The following PTDSS2 variants were observed in gnomAD, a reference collection of about 807,000 sequenced individuals.
The protein encoded by PTDSS2 is PSS-2.
Under a neutral mutation model 64.7 loss-of-function variants are expected in PTDSS2, and 41 were observed. The observed-to-expected ratio is 0.63, with a 90% CI of 0.49 to 0.82. PTDSS2 has a LOEUF of 0.82. Ranked by LOEUF, PTDSS2 falls within the 40% of genes least tolerant of loss-of-function variation. The pLI is 0.00. For missense variants in PTDSS2, 485 were observed against 650.0 expected (o/e 0.75, Z 2.76); for synonymous variants, 297 against 277.8 (o/e 1.07, Z -0.69).
At chr11:477,071 G>A (rs1445335073) in intron 3 of PTDSS2, among the ~76,000 whole-genome samples, 3 of 152,186 alleles carry the variant, frequency 2.0e-5, no homozygotes, top group Non-Finnish European at 2.9e-5. Context: ...TGTGGGCTCT[G>A]CCCACCTTCA....
At chr11:484,877 C>T (rs1364890275) in intron 4 of PTDSS2, among the ~76,000 whole-genome samples, 1 of 128,848 alleles carries the variant, frequency 7.8e-6, no homozygotes. Context: ...TGTGCGCAGG[C>T]GTCTGTAAAC....
At position 479,273 on chromosome 11, in the gene PTDSS2, C is replaced by A; in HGVS notation, c.435+121C>A. ...GTGATGGGAGGAAGCAGGGCTAGACCCCCACAAAGTAGGCCGAGCTGCGGG... is the reference window on the plus strand; with the variant it reads ...GTGATGGGAGGAAGCAGGGCTAGACACCCACAAAGTAGGCCGAGCTGCGGG... On this transcript the variant is annotated intron_variant, in intron 4 of 11. Coordinates refer to ENST00000308020, the MANE Select transcript of PTDSS2 (RefSeq NM_030783.3). This position sits in a 1 kb window ranked among gnomAD's most constrained non-coding sequence, Gnocchi z 4.2. The A allele has an allele frequency of 2.2e-6, 2 of 893,814 alleles. No homozygotes were observed. Among genetic ancestry groups the A allele is most frequent in the South Asian group, 1.3e-5 (1 of 75,910 alleles). 55.4% of individuals were successfully genotyped at this position (893,814 alleles called of 1,614,324 possible).
rs1190366039 is a variant in PTDSS2, at chr11:462,048, A to G, written c.284+1760A>G. Among the ~76,000 whole-genome samples, 1 of 152,174 alleles carries G rather than the reference A, an allele frequency of 6.6e-6. No homozygotes were observed. The highest frequency in any genetic ancestry group is 6.5e-5 in the Admixed American group (1 of 15,280). On this transcript the variant is annotated intron_variant, in intron 2 of 11. Transcript: ENST00000308020. This position sits in a 1 kb window ranked among gnomAD's most constrained non-coding sequence, Gnocchi z 4.5. Reference sequence around the variant, plus strand: ...GGAAGCAGGACCGGGTCTCACCTCAAGTGTCCCACATGGCAAGAATTGTCA... The same window carrying G: ...GGAAGCAGGACCGGGTCTCACCTCAGGTGTCCCACATGGCAAGAATTGTCA...
rs1848559660 is a variant in PTDSS2, at chr11:489,400, G to A, written c.855G>A (p.Lys285=). ...AGGCTGCCGGCTCTGTGGTTCCCAG[G>A]GGCAAGATGAAGAGGATCGCCTTCC... ...WQGLWNIPTY[K]GKMKRIAFQF... is the part of the protein sequence containing the mutation. The change falls in exon 9 of 12, where the codon AAG becomes AAA. Residue 285 remains lysine, a splice_region_variant and synonymous_variant. Transcript: ENST00000308020. 6.2e-7 allele frequency: 1 copy of A among 1,612,422 alleles called. No individual in the cohort carries two copies. Among genetic ancestry groups the A allele is most frequent in the Admixed American group, 1.7e-5 (1 of 59,982 alleles).
At chr11:452,174 C>T (rs1248171887) in intron 1 of PTDSS2, among the ~76,000 whole-genome samples, 1 of 152,176 alleles carries the variant, frequency 6.6e-6, no homozygotes, top group African/African-American at 2.4e-5. Flanking sequence ...CCTCTGAGGT[C>T]CCGGAGCGAG....
At chr11:473,043 C>G (rs374868224) in intron 2 of PTDSS2, among the ~76,000 whole-genome samples, 28 of 152,346 alleles carry the variant, frequency 1.8e-4, no homozygotes, top group African/African-American at 6.7e-4. Context: ...CAGAGCGGGT[C>G]CACACCTTGG....
chr11:489,773 G>T lies in PTDSS2; in HGVS notation c.1115+40G>T, dbSNP rs372521546. On this transcript the variant is annotated intron_variant, in intron 10 of 11. Coordinates refer to ENST00000308020, the MANE Select transcript of PTDSS2 (RefSeq NM_030783.3). The stretch of plus-strand genomic sequence containing the variant: ...AGTCCGGGTGGAGACACCCCCGGGG[G>T]GCAGGGGCCGGAGGGCTGGGGAGCA... 2.4e-4 allele frequency: 379 copies of T among 1,589,348 alleles called. 1 individual carries two copies. The highest frequency in any genetic ancestry group is 1.3e-4 in the Non-Finnish European group (152 of 1,167,986).
At chr11:472,967 C>CAG (rs1847547017) in intron 2 of PTDSS2, among the ~76,000 whole-genome samples, 1 of 152,326 alleles carries the variant, frequency 6.6e-6, no homozygotes, top group South Asian at 2.1e-4. Context: ...GATCTCAGAC[C>CAG]CTGAGCTGAG....
At chr11:448,653 G>C (rs926474719), upstream of PTDSS2, among the ~76,000 whole-genome samples, 2 of 152,266 alleles carry the variant, frequency 1.3e-5, no homozygotes, top group Non-Finnish European at 2.9e-5. Flanking sequence ...TGCCCAGCCT[G>C]TGTGTCAGGA....
chr11:467,668 G>A (rs1847202003), intron 2 of PTDSS2, among the ~76,000 whole-genome samples: 1 of 152,114 alleles, frequency 6.6e-6, no homozygotes, highest in Non-Finnish European at 1.5e-5. Flanking sequence ...AGGAGGCGGA[G>A]GTTGCAGTGA....
intron 1 of PTDSS2, among the ~76,000 whole-genome samples, chr11:458,507 A>ATTT (rs3082636): frequency 2.8e-4 from 26 of 93,906 alleles, no homozygotes; most frequent in African/African-American, 7.6e-4. Context: ...GCCTGGCCTG[A>ATTT]TTTTTTTTTT....
At chr11:464,893 A>G (rs1400764447) in intron 2 of PTDSS2, among the ~76,000 whole-genome samples, 6 of 152,238 alleles carry the variant, frequency 3.9e-5, no homozygotes, top group Non-Finnish European at 5.9e-5. Context: ...ATGCATATAA[A>G]TATACTCACA....
intron 1 of PTDSS2, among the ~76,000 whole-genome samples, chr11:453,884 C>T (rs930473406): frequency 6.6e-5 from 10 of 152,398 alleles, no homozygotes; most frequent in African/African-American, 2.2e-4. Context: ...CAGCTGTCTT[C>T]ACGCCCTCAC....
chr11:450,352 C>A lies in PTDSS2; in HGVS notation c.-104C>A. 9.5e-7 allele frequency: 1 copy of A among 1,056,660 alleles called. No individual in the cohort carries two copies. Among genetic ancestry groups the A allele is most frequent in the Middle Eastern group, 3.6e-4 (1 of 2,766 alleles). 65.5% of individuals were successfully genotyped at this position (1,056,660 alleles called of 1,614,324 possible). A position where few individuals can be genotyped will look rare whatever the true frequency, so the allele number is the denominator to read the frequency against. On this transcript the variant is annotated 5_prime_UTR_variant, in exon 1 of 12. Coordinates refer to ENST00000308020, the MANE Select transcript of PTDSS2 (RefSeq NM_030783.3). ...AGACCCCGCGGGCCAGCGCCGCGAC[C>A]CCTTCCCAGCGCTCCTCGCGCTGTG...
rs1175280810 is a variant in PTDSS2 at position 479,409 on chromosome 11, C to G, written c.435+257C>G. The G allele has an allele frequency of 3.5e-6, 2 of 570,648 alleles. No individual in the cohort carries two copies. The highest frequency in any genetic ancestry group is 6.3e-6 in the Non-Finnish European group (2 of 319,814). The allele number at this position is 570,648 out of a possible 1,614,324, so 35.3% of individuals were successfully genotyped here. A position where few individuals can be genotyped will look rare whatever the true frequency, so the allele number is the denominator to read the frequency against. On this transcript the variant is annotated intron_variant, in intron 4 of 11. Coordinates refer to ENST00000308020, the MANE Select transcript of PTDSS2 (RefSeq NM_030783.3). The surrounding 1 kb of genome is among the most constrained non-coding windows in gnomAD (Gnocchi z 4.2). ...CCTCCAGGAGCATCTGCTGGTGGGG[C>G]GCTGACTGTGGCCATTTAGCAGGGC...
intron 3 of PTDSS2, among the ~76,000 whole-genome samples, chr11:477,276 T>A (rs1178167440): frequency 1.3e-5 from 2 of 152,234 alleles, no homozygotes; most frequent in Admixed American, 6.5e-5. Context: ...GCATCCCTCC[T>A]GTGTGAACGG....
chr11:455,001 T>A (rs946172446), intron 1 of PTDSS2, among the ~76,000 whole-genome samples: 4 of 151,028 alleles, frequency 2.6e-5, no homozygotes, highest in African/African-American at 9.7e-5. Context: ...AGGGTCAGGG[T>A]GGGGCCGAGT....
chr11:470,912 T>A lies in PTDSS2; in HGVS notation c.285-2983T>A, dbSNP rs1436219930. Among the ~76,000 whole-genome samples the A allele has an allele frequency of 1.3e-5, 2 of 152,106 alleles. No individual in the cohort carries two copies. Among genetic ancestry groups the A allele is most frequent in the African/African-American group, 4.8e-5 (2 of 41,412 alleles). The stretch of plus-strand genomic sequence containing the variant: ...CAGCACCGGCTTATTAATGGTGAGA[T>A]GTTAATGGGAAAACTGGGCCTGTGA... On this transcript the variant is annotated intron_variant, in intron 2 of 11. Transcript: ENST00000308020. The surrounding 1 kb of genome is among the most constrained non-coding windows in gnomAD (Gnocchi z 5.3).
intron 4 of PTDSS2, among the ~76,000 whole-genome samples, chr11:486,118 C>T (rs187160120): frequency 1.4e-3 from 210 of 152,320 alleles, no homozygotes; most frequent in African/African-American, 4.8e-3. Flanking sequence ...TGCGTGTGTG[C>T]TGTGAGCACA....
Sources: allele counts gnomAD v4.1 joint callset (sites outside exome capture counted in the v4.1 genomes callset), GRCh38; gene constraint gnomAD v4.1.1; non-coding constraint Gnocchi (gnomAD v3.1); transcripts MANE v1.5; gene names NCBI Gene and HGNC (gene_info 2026-07-23, HGNC 2026-07-21).